ENOX1: variants seen among roughly 807,000 people sequenced by gnomAD.
The protein encoded by ENOX1 is ecto-NOX disulfide-thiol exchanger 1.
Under a neutral mutation model 82.5 loss-of-function variants are expected in ENOX1, and 42 were observed. That is an observed-to-expected ratio of 0.51 (90% CI 0.40 to 0.66). The LOEUF is 0.66. Ranked by LOEUF, ENOX1 falls within the 30% of genes least tolerant of loss-of-function variation. ENOX1 has a pLI of 0.00. For missense variants in ENOX1, 608 were observed against 811.6 expected (o/e 0.75, Z 3.05); for synonymous variants, 271 against 282.2 (o/e 0.96, Z 0.40).
At chr13:43,615,036 G>A (rs962680995) in intron 2 of ENOX1, among the ~76,000 whole-genome samples, 3 of 152,136 alleles carry the variant, frequency 2.0e-5, no homozygotes, top group African/African-American at 4.8e-5. Context: ...AATTTGGTGG[G>A]GGATGGGGAA....
At chr13:43,535,477 C>A (rs780725446) in intron 2 of ENOX1, among the ~76,000 whole-genome samples, 1 of 152,120 alleles carries the variant, frequency 6.6e-6, no homozygotes, top group Admixed American at 6.5e-5. Context: ...CTCCCCCCAT[C>A]GTTAACTCAA....
intron 2 of ENOX1, among the ~76,000 whole-genome samples, chr13:43,627,267 T>C (rs2083005348): frequency 6.6e-6 from 1 of 152,064 alleles, no homozygotes; most frequent in Non-Finnish European, 1.5e-5. Flanking sequence ...CTATCTGCAT[T>C]TAATGCAATT....
At chr13:43,624,911 CATCCTCAAAAAATATTCTTGGG>C (rs1421900803) in intron 2 of ENOX1, among the ~76,000 whole-genome samples, 33 of 152,026 alleles carry the variant, frequency 2.2e-4, no homozygotes, top group African/African-American at 6.0e-4. Flanking sequence ...ATTTTGTTGA[CATCCTCAAAAAATATTCTTGGG>C]ATTTTGATAG....
chr13:43,729,425 AC>A (rs2089194915), intron 1 of ENOX1, among the ~76,000 whole-genome samples: 2 of 151,816 alleles, frequency 1.3e-5, no homozygotes, highest in Admixed American at 1.3e-4. Flanking sequence ...AGCACAGGAA[AC>A]ACTTAATTCA....
chr13:43,313,474 T>G (rs138562111), intron 11 of ENOX1, among the ~76,000 whole-genome samples: 8 of 152,332 alleles, frequency 5.3e-5, no homozygotes, highest in Non-Finnish European at 1.2e-4. Context: ...TAGGGAGTAT[T>G]CCTCAATCAA....
chr13:43,715,317 G>A (rs1302296168), intron 1 of ENOX1, among the ~76,000 whole-genome samples: 9 of 152,022 alleles, frequency 5.9e-5, no homozygotes, highest in African/African-American at 9.7e-5. Context: ...TGGGTAACCC[G>A]ACCTTTCTCT....
intron 3 of ENOX1, among the ~76,000 whole-genome samples, chr13:43,467,154 AACT>A (rs562320388): frequency 6.7e-4 from 102 of 152,302 alleles, no homozygotes; most frequent in African/African-American, 2.3e-3. Flanking sequence ...GGAGCGAGAT[AACT>A]CTATGATTAA....
chr13:43,535,485 C>T (rs73476004), intron 2 of ENOX1, among the ~76,000 whole-genome samples: 1,767 of 152,256 alleles, frequency 0.012, 38 homozygotes, highest in African/African-American at 0.041. Context: ...ATCGTTAACT[C>T]AATACACTGT....
chr13:43,291,748 G>A (rs2046012265), intron 12 of ENOX1, among the ~76,000 whole-genome samples: 1 of 152,290 alleles, frequency 6.6e-6, no homozygotes, highest in African/African-American at 2.4e-5. Context: ...GATGTCAGAG[G>A]CAATGTATGT....
chr13:43,421,052 A>G (rs1348703266), intron 3 of ENOX1, among the ~76,000 whole-genome samples: 2 of 152,220 alleles, frequency 1.3e-5, no homozygotes, highest in Non-Finnish European at 2.9e-5. Flanking sequence ...ATTATATCAA[A>G]TAACACTTAA....
At chr13:43,612,622 G>A (rs1188021172) in intron 2 of ENOX1, among the ~76,000 whole-genome samples, 5 of 152,034 alleles carry the variant, frequency 3.3e-5, no homozygotes, top group Non-Finnish European at 7.4e-5. Flanking sequence ...TCCCTATAAT[G>A]TAAACTTGAA....
chr13:43,635,824 ACTCT>A (rs1484005772), intron 2 of ENOX1, among the ~76,000 whole-genome samples: 1 of 152,146 alleles, frequency 6.6e-6, no homozygotes, highest in East Asian at 1.9e-4. Context: ...CATAATGCTC[ACTCT>A]GACCTCAATC....
chr13:43,515,366 T>G (rs1335327215), intron 2 of ENOX1, among the ~76,000 whole-genome samples: 1 of 152,304 alleles, frequency 6.6e-6, no homozygotes, highest in East Asian at 1.9e-4. Context: ...TCATTCATAG[T>G]AGAGTTACAG....
intron 2 of ENOX1, among the ~76,000 whole-genome samples, chr13:43,498,576 T>C (rs2076871872): frequency 1.3e-5 from 2 of 151,920 alleles, no homozygotes; most frequent in African/African-American, 4.8e-5. Context: ...GTCAACTGAA[T>C]GACTGAATCA....
chr13:43,667,901 T>G, intron 1 of ENOX1, among the ~76,000 whole-genome samples: 1 of 152,188 alleles, frequency 6.6e-6, no homozygotes, highest in Non-Finnish European at 1.5e-5. Context: ...AATAAAGCTG[T>G]GTGTTAATTA....
At chr13:43,748,152 T>C (rs1366219410) in intron 1 of ENOX1, among the ~76,000 whole-genome samples, 2 of 152,200 alleles carry the variant, frequency 1.3e-5, no homozygotes, top group Non-Finnish European at 2.9e-5. Flanking sequence ...AATAACTTGA[T>C]AACTATTTCA....
In ENOX1 at chr13:43,646,778, C is replaced by T. The variant is rs554421650; in HGVS notation, c.-219+20701G>A. 4.6e-5 allele frequency among the ~76,000 whole-genome samples: 7 copies of T among 152,244 alleles called. No individual in the cohort carries two copies. The South Asian group carries it at 1.5e-3, about 32-fold the overall frequency. ...GTCTTGGGGCACTGAGGTGATCATA[C>T]TCACTTTCCCTTCTCGCCTCATCAT... On this transcript the variant is annotated intron_variant, in intron 2 of 16. Transcript: ENST00000690772.
intron 2 of ENOX1, among the ~76,000 whole-genome samples, chr13:43,508,434 T>C (rs1466920574): frequency 6.6e-6 from 1 of 152,040 alleles, no homozygotes; most frequent in Non-Finnish European, 1.5e-5. Flanking sequence ...CTGTTCTTTA[T>C]ATATCACCTA....
intron 3 of ENOX1, among the ~76,000 whole-genome samples, chr13:43,450,548 T>G (rs1346173251): frequency 2.0e-5 from 3 of 152,064 alleles, no homozygotes; most frequent in African/African-American, 7.2e-5. Flanking sequence ...GGGAAGGGCC[T>G]TTATTATGGT....
Sources: allele counts gnomAD v4.1 joint callset (sites outside exome capture counted in the v4.1 genomes callset), GRCh38; gene constraint gnomAD v4.1.1; transcripts MANE v1.5; gene names NCBI Gene and HGNC (gene_info 2026-07-23, HGNC 2026-07-21).